PHF20L1: variants seen among roughly 807,000 people sequenced by gnomAD.
PHF20L1 encodes the protein PHD finger protein 20-like protein 1.
In PHF20L1, 44 loss-of-function variants were observed where a neutral mutation model predicts 125.5. The ratio of observed to expected loss-of-function variants is 0.35; its 90% CI spans 0.28 to 0.45. The LOEUF (loss-of-function observed/expected upper bound fraction) is 0.45. Among genes scored for constraint, PHF20L1 ranks in the 20% least tolerant of loss-of-function variants. The pLI, the probability that PHF20L1 is intolerant of heterozygous loss-of-function variation, is 1.00. For missense variants in PHF20L1, 1,012 were observed against 1,217.2 expected, an observed-to-expected ratio of 0.83 and a Z score of 2.51; for synonymous variants, 380 against 403.1, an observed-to-expected ratio of 0.94 and a Z score of 0.69.
rs751141246 is a variant in PHF20L1, at chr8:132,842,882, C to T, written c.2748+7C>T. 6.3e-7 allele frequency: 1 copy of T among 1,583,004 alleles called. No homozygotes were observed. The highest frequency in any genetic ancestry group is 8.6e-7 in the Non-Finnish European group (1 of 1,165,606). On this transcript the variant is annotated splice_region_variant and intron_variant, in intron 19 of 20. Coordinates refer to ENST00000395386, the MANE Select transcript of PHF20L1 (RefSeq NM_016018.5). Reference sequence around the variant, plus strand: ...ACATGGAATGCCTGAAAAGGTAAAACTAGTTCATTTTTCTTTGCTTGGAAA... The same window carrying T: ...ACATGGAATGCCTGAAAAGGTAAAATTAGTTCATTTTTCTTTGCTTGGAAA...
intron 2 of PHF20L1, among the ~76,000 whole-genome samples, chr8:132,787,578 T>TCTAA (rs1437148208): frequency 6.6e-6 from 1 of 152,168 alleles, no homozygotes; most frequent in Non-Finnish European, 1.5e-5. Flanking sequence ...GACTATTTTG[T>TCTAA]ATTAACATTG....
At chr8:132,842,128 CATTTAT>C (rs1413883850) in intron 18 of PHF20L1, 4 of 157,124 alleles carry the variant, frequency 2.5e-5, no homozygotes, top group Admixed American at 1.3e-4. Context: ...ACTTTCTGTG[CATTTAT>C]ATTTAGGATT....
intron 16 of PHF20L1, among the ~76,000 whole-genome samples, chr8:132,837,372 T>C (rs187293784): frequency 9.9e-5 from 15 of 152,270 alleles, no homozygotes; most frequent in African/African-American, 3.4e-4. Context: ...ACCAACTTTT[T>C]TTTCCCCTAA....
chr8:132,811,719 C>T (rs1834411656), intron 9 of PHF20L1: 1 of 985,174 alleles, frequency 1.0e-6, no homozygotes, highest in Non-Finnish European at 1.2e-6. Flanking sequence ...CTTCAGATTC[C>T]CACAATACTT....
chr8:132,798,096 A>T (rs1219577897), intron 4 of PHF20L1, among the ~76,000 whole-genome samples: 1 of 152,020 alleles, frequency 6.6e-6, no homozygotes, highest in East Asian at 1.9e-4. Flanking sequence ...AAGTAGGATG[A>T]GTTTGTGGGA....
At chr8:132,782,570 A>C (rs1054658988) in intron 2 of PHF20L1, among the ~76,000 whole-genome samples, 16 of 150,268 alleles carry the variant, frequency 1.1e-4, no homozygotes, top group African/African-American at 3.6e-4. Context: ...CAACAAGCTG[A>C]TGACACTTTT....
At chr8:132,838,865 A>G (rs756383938) in intron 17 of PHF20L1, among the ~76,000 whole-genome samples, 6 of 152,172 alleles carry the variant, frequency 3.9e-5, no homozygotes, top group Non-Finnish European at 5.9e-5. Context: ...TCAACTGGCT[A>G]GTAGTATAGT....
chr8:132,779,429 C>T (rs1300028506), intron 2 of PHF20L1, among the ~76,000 whole-genome samples: 1 of 152,142 alleles, frequency 6.6e-6, no homozygotes, highest in Non-Finnish European at 1.5e-5. Context: ...CTTTTTACTC[C>T]AAAGGCATAC....
intron 8 of PHF20L1, chr8:132,810,002 T>C (rs1660357554): frequency 6.6e-6 from 1 of 152,072 alleles, no homozygotes; most frequent in African/African-American, 2.4e-5. Context: ...TTTAATGTCT[T>C]GGGATTCAAA....
At chr8:132,817,300 T>C in intron 11 of PHF20L1, 39 bp from the exon 12 acceptor site, 1 of 1,522,594 alleles carries the variant, frequency 6.6e-7, no homozygotes, top group Non-Finnish European at 9.1e-7. Context: ...AGCCATTTTA[T>C]CTGTGTTAAT....
At chr8:132,831,839 C>T (rs1836811807) in intron 14 of PHF20L1, among the ~76,000 whole-genome samples, 1 of 152,054 alleles carries the variant, frequency 6.6e-6, no homozygotes, top group African/African-American at 2.4e-5. Flanking sequence ...TGCTGATGCT[C>T]TCCCCCACTT....
intron 20 of PHF20L1, among the ~76,000 whole-genome samples, chr8:132,845,355 T>A (rs1445455574): frequency 1.3e-5 from 2 of 151,958 alleles, no homozygotes; most frequent in Non-Finnish European, 2.9e-5. Context: ...AAAATATGAT[T>A]AGGTATGTTT....
chr8:132,805,285 T>G (rs1833554139), intron 8 of PHF20L1, among the ~76,000 whole-genome samples: 1 of 151,948 alleles, frequency 6.6e-6, no homozygotes, highest in Non-Finnish European at 1.5e-5. Flanking sequence ...TCTGGGCTTA[T>G]TTATTTCCAT....
chr8:132,778,035 A>G (rs932675311), intron 2 of PHF20L1, 124 bp downstream of exon 2: 5 of 621,426 alleles, frequency 8.0e-6, no homozygotes, highest in Non-Finnish European at 1.1e-5. Context: ...TCGATTACAC[A>G]TATATGTTGT....
rs1032135605 is a variant in PHF20L1 at position 132,823,732 on chromosome 8, T to C, written c.1580-272T>C. 1.2e-3 allele frequency among the ~76,000 whole-genome samples: 177 copies of C among 152,086 alleles called. 3 individuals carry two copies. The highest frequency in any genetic ancestry group is 0.011 in the Admixed American group (174 of 15,234). On this transcript the variant is annotated intron_variant, in intron 12 of 20. Transcript: ENST00000395386. ...ACAGAAGCACAGAGGCATTAAATGA[T>C]GTCCTCAAGGCCACAGAGCTAGTAA...
chr8:132,840,920 G>A (rs1318335605), intron 18 of PHF20L1, among the ~76,000 whole-genome samples: 1 of 152,090 alleles, frequency 6.6e-6, no homozygotes, highest in Non-Finnish European at 1.5e-5. Context: ...TGTAGGGTAA[G>A]TACTCAGTAA....
At position 132,839,391 on chromosome 8, in the gene PHF20L1, G is replaced by A. The variant is rs1463642520; in HGVS notation, c.2196G>A (p.Gln732=). ...TAATATCAACTTCATCTGCAGGTCAGAGGTGGAGTGCAAAATATCGTTATG... is the reference window on the plus strand; with the variant it reads ...TAATATCAACTTCATCTGCAGGTCAAAGGTGGAGTGCAAAATATCGTTATG... ...ICYICRDPPG[Q]RWSAKYRYDK... Residue 732 remains glutamine (Q), a synonymous_variant, in exon 18 of 21, where the codon CAG becomes CAA. Coordinates refer to ENST00000395386, the MANE Select transcript of PHF20L1 (RefSeq NM_016018.5). 1 of 1,610,830 alleles carries A rather than the reference G, an allele frequency of 6.2e-7. No homozygotes were observed. The highest frequency in any genetic ancestry group is 1.7e-5 in the Admixed American group (1 of 59,936).
At chr8:132,782,882 C>T (rs765954719) in intron 2 of PHF20L1, among the ~76,000 whole-genome samples, 3 of 151,684 alleles carry the variant, frequency 2.0e-5, no homozygotes, top group Non-Finnish European at 2.9e-5. Flanking sequence ...AAGTTGTAGA[C>T]AGTCTTTTTG....
At chr8:132,823,938 T>C in intron 12 of PHF20L1, 66 bp from the exon 13 acceptor site, 1 of 922,276 alleles carries the variant, frequency 1.1e-6, no homozygotes, top group Non-Finnish European at 1.7e-6. Context: ...AATTGTAATG[T>C]AAAATATTGT....
Sources: gnomAD v4.1 joint callset for allele counts (sites outside exome capture counted in the v4.1 genomes callset) on GRCh38, gnomAD v4.1.1 for gene constraint, MANE v1.5 for transcripts, NCBI Gene and HGNC (gene_info 2026-07-23, HGNC 2026-07-21) for gene names.